Variants in PRKCA observed in about 807,000 individuals in gnomAD.
PRKCA encodes protein kinase C alpha, also known as protein kinase C alpha type.
A neutral mutation model predicts 87.0 loss-of-function variants in PRKCA; 27 were observed. That is an observed-to-expected ratio of 0.31 (90% CI 0.23 to 0.43). PRKCA has a LOEUF of 0.43. PRKCA is among the 20% of genes least tolerant of loss of function. PRKCA has a pLI of 1.00. For synonymous variants in PRKCA, 329 were observed against 311.1 expected, an observed-to-expected ratio of 1.06 and a Z score of -0.61; for missense variants, 518 against 852.3, an observed-to-expected ratio of 0.61 and a Z score of 4.88.
rs142820646 is a variant in PRKCA at position 66,498,879 on chromosome 17, T to G, written c.288+2596T>G. Among the ~76,000 whole-genome samples the G allele has an allele frequency of 1.1e-4, 17 of 152,258 alleles. No individual in the cohort carries two copies. The East Asian group carries it at 2.9e-3, about 26-fold the overall frequency. ...AAGATATGGGAAGGAGTTTAATCAA[T>G]AACAAACAGAAAGCTGGGAGTTGGG... is the stretch of plus-strand genomic sequence containing the variant. On this transcript the variant is annotated intron_variant, in intron 3 of 16. Transcript: ENST00000413366.
chr17:66,605,642 C>A (rs1970183414), intron 3 of PRKCA, among the ~76,000 whole-genome samples: 1 of 152,130 alleles, frequency 6.6e-6, no homozygotes, highest in African/African-American at 2.4e-5. Flanking sequence ...AAAATTAATA[C>A]AAGAAGGGTC....
At chr17:66,574,901 T>G (rs1598782863) in intron 3 of PRKCA, among the ~76,000 whole-genome samples, 1 of 152,156 alleles carries the variant, frequency 6.6e-6, no homozygotes, top group African/African-American at 2.4e-5. Context: ...TATACTGTAG[T>G]AAAAGTTATG....
Position 66,408,272 on chromosome 17 carries a change from T to C in PRKCA, c.206-87929T>C, listed in dbSNP as rs141104783. ...AGAATTTCAATCCGATTATCCAGTGTTTTTAGACCTTCTGGCTATGAGATT... is the reference window on the plus strand; with the variant it reads ...AGAATTTCAATCCGATTATCCAGTGCTTTTAGACCTTCTGGCTATGAGATT... On this transcript the variant is annotated intron_variant, in intron 2 of 16. Coordinates refer to ENST00000413366, the MANE Select transcript of PRKCA (RefSeq NM_002737.3). Among the ~76,000 whole-genome samples the C allele has an allele frequency of 1.2e-3, 182 of 152,352 alleles. No homozygotes were observed. The Middle Eastern group carries it at 0.014, about 11-fold the overall frequency.
intron 2 of PRKCA, among the ~76,000 whole-genome samples, chr17:66,495,126 G>A (rs746278676): frequency 4.7e-4 from 71 of 151,880 alleles, no homozygotes; most frequent in Non-Finnish European, 9.7e-4. Flanking sequence ...AACTCTTAGG[G>A]GATTACTTTC....
chr17:66,354,962 AT>A (rs1245456779), intron 2 of PRKCA, among the ~76,000 whole-genome samples: 2 of 152,110 alleles, frequency 1.3e-5, no homozygotes, highest in African/African-American at 2.4e-5. Context: ...CTAACAAGGT[AT>A]TTGCTTTCCT....
chr17:66,640,131 C>T (rs1971251878), intron 3 of PRKCA, among the ~76,000 whole-genome samples: 1 of 152,180 alleles, frequency 6.6e-6, no homozygotes, highest in Non-Finnish European at 1.5e-5. Flanking sequence ...AAGACTGACT[C>T]GTTTTGTCCT....
intron 3 of PRKCA, among the ~76,000 whole-genome samples, chr17:66,526,810 C>T (rs2144243392): frequency 6.6e-6 from 1 of 152,204 alleles, no homozygotes; most frequent in African/African-American, 2.4e-5. Context: ...CTGTGTGACT[C>T]CTAAGAAGAG....
chr17:66,423,111 C>CA (rs140765115), intron 2 of PRKCA, among the ~76,000 whole-genome samples: 10,718 of 144,504 alleles, frequency 0.074, 447 homozygotes, highest in African/African-American at 0.12. Flanking sequence ...GACCTTGTCT[C>CA]AAAAAAAAAA....
chr17:66,707,534 C>G (rs1380333277), intron 8 of PRKCA, among the ~76,000 whole-genome samples: 1 of 152,180 alleles, frequency 6.6e-6, no homozygotes, highest in Non-Finnish European at 1.5e-5. Context: ...GTAAAACTCA[C>G]GTGTGTGACA....
chr17:66,343,571 T>C (rs1243464088), intron 2 of PRKCA, among the ~76,000 whole-genome samples: 1 of 151,978 alleles, frequency 6.6e-6, no homozygotes, highest in Non-Finnish European at 1.5e-5. Flanking sequence ...GAGACTGGAG[T>C]GAGTGAGACT....
intron 9 of PRKCA, among the ~76,000 whole-genome samples, chr17:66,733,912 G>C (rs1026270726): frequency 3.9e-5 from 6 of 152,366 alleles, no homozygotes; most frequent in African/African-American, 1.4e-4. Flanking sequence ...CTTCAGGTCT[G>C]CAGTTGCATC....
At chr17:66,489,382 T>TAC (rs1916127605) in intron 2 of PRKCA, among the ~76,000 whole-genome samples, 1 of 119,142 alleles carries the variant, frequency 8.4e-6, no homozygotes, top group African/African-American at 3.0e-5. Context: ...TATATATATA[T>TAC]ATATATATAT....
chr17:66,666,045 A>G (rs1009709557), intron 5 of PRKCA, among the ~76,000 whole-genome samples: 4 of 152,206 alleles, frequency 2.6e-5, no homozygotes, highest in African/African-American at 9.6e-5. Flanking sequence ...TTATGAATTT[A>G]CAGAGAACAA....
At chr17:66,717,698 C>T (rs1433307194) in intron 8 of PRKCA, among the ~76,000 whole-genome samples, 1 of 152,234 alleles carries the variant, frequency 6.6e-6, no homozygotes, top group African/African-American at 2.4e-5. Context: ...CTTCCTCCAC[C>T]AGCACTGCCA....
At chr17:66,478,250 G>A (rs1915619921) in intron 2 of PRKCA, among the ~76,000 whole-genome samples, 2 of 151,988 alleles carry the variant, frequency 1.3e-5, no homozygotes, top group South Asian at 4.2e-4. Context: ...TTTTTTGTTT[G>A]TTTATTTTAT....
chr17:66,642,689 C>G (rs1971333967), intron 4 of PRKCA, among the ~76,000 whole-genome samples: 1 of 152,144 alleles, frequency 6.6e-6, no homozygotes, highest in South Asian at 2.1e-4. Flanking sequence ...GATGGAGTTT[C>G]TCAGGACACA....
chr17:66,496,354 C>T (rs61762379), intron 3 of PRKCA, 71 bp downstream of exon 3: 39 of 1,332,678 alleles, frequency 2.9e-5, no homozygotes, highest in Non-Finnish European at 4.1e-5. Context: ...AACGCCTGTG[C>T]AACTGTTAGT....
At chr17:66,582,017 C>A (rs1210799251) in intron 3 of PRKCA, among the ~76,000 whole-genome samples, 3 of 152,142 alleles carry the variant, frequency 2.0e-5, no homozygotes, top group East Asian at 1.9e-4. Flanking sequence ...GTGAACAGAA[C>A]CCCATCTGAA....
intron 2 of PRKCA, among the ~76,000 whole-genome samples, chr17:66,487,669 C>G (rs1410060118): frequency 6.6e-6 from 1 of 152,122 alleles, no homozygotes; most frequent in Non-Finnish European, 1.5e-5. Context: ...TCTCTGCATC[C>G]CCACCAGTAT....
Sources: gnomAD v4.1 joint callset for allele counts (sites outside exome capture counted in the v4.1 genomes callset) on GRCh38, gnomAD v4.1.1 for gene constraint, MANE v1.5 for transcripts, NCBI Gene and HGNC (gene_info 2026-07-23, HGNC 2026-07-21) for gene names.